The following CNTNAP2 variants were observed in gnomAD, a reference collection of about 807,000 sequenced individuals.
CNTNAP2 encodes contactin associated protein 2.
Under a neutral mutation model 155.2 loss-of-function variants are expected in CNTNAP2, and 98 were observed. The observed-to-expected ratio is 0.63, with a 90% CI of 0.54 to 0.75. The LOEUF (loss-of-function observed/expected upper bound fraction) is 0.75, where lower values mean the gene tolerates loss of function less well. CNTNAP2 is among the 30% of genes least tolerant of loss of function. The probability of loss-of-function intolerance (pLI) is 0.00; values close to 1 mark genes in which losing one functional copy is unlikely to be tolerated. For synonymous variants in CNTNAP2, 651 were observed against 631.2 expected (o/e 1.03, Z -0.47); for missense variants, 1,727 against 1,688.1 (o/e 1.02, Z -0.40).
In CNTNAP2 at chr7:146,859,121, A is replaced by T. The variant is rs1187320760; in HGVS notation, c.402+19217A>T. Among the ~76,000 whole-genome samples the T allele has an allele frequency of 2.0e-5, 3 of 152,224 alleles. No individual in the cohort carries two copies. The East Asian group carries it at 5.8e-4, about 29-fold the overall frequency. The stretch of plus-strand genomic sequence containing the variant: ...AAAATTTTGAGGCAATATAGGCAAT[A>T]ACATTAGAATTTCAGGGTTACTTCA... On this transcript the variant is annotated intron_variant, in intron 3 of 23. Coordinates refer to ENST00000361727, the MANE Select transcript of CNTNAP2 (RefSeq NM_014141.6).
chr7:146,828,797 T>G (rs1484219906), intron 2 of CNTNAP2, among the ~76,000 whole-genome samples: 1 of 152,084 alleles, frequency 6.6e-6, no homozygotes, highest in Non-Finnish European at 1.5e-5. Flanking sequence ...TGTCACTATT[T>G]TACATTAAAC....
intron 8 of CNTNAP2, among the ~76,000 whole-genome samples, chr7:147,207,134 A>G (rs1014318500): frequency 3.3e-5 from 5 of 152,222 alleles, no homozygotes; most frequent in Admixed American, 1.3e-4. Flanking sequence ...TTTAATGTGA[A>G]AAACTGTTGT....
rs746636648 is a variant in CNTNAP2 at position 147,044,047 on chromosome 7, T to C, written c.543T>C (p.Cys181=). ...GACTCAGAATTGAAGTTTATGGCTGTTCTTACTGTGAGTATCGTATTGTTT... is the reference window on the plus strand; with the variant it reads ...GACTCAGAATTGAAGTTTATGGCTGCTCTTACTGTGAGTATCGTATTGTTT... The part of the protein sequence containing the change: ...RIGLRIEVYG[C]SYWADVINFD... The change falls in exon 4 of 24, where the codon TGT becomes TGC. Residue 181 remains cysteine (C), a synonymous_variant. Transcript: ENST00000361727. 7 of 1,614,156 alleles carry C rather than the reference T, an allele frequency of 4.3e-6. No individual in the cohort carries two copies. In the East Asian group the frequency reaches 1.3e-4, roughly 31 times the overall value.
At chr7:146,181,387 T>C (rs13223500) in intron 1 of CNTNAP2, among the ~76,000 whole-genome samples, 46,576 of 152,036 alleles carry the variant, frequency 0.31, 8,370 homozygotes, top group African/African-American at 0.5. Context: ...GTTCTAGATG[T>C]GTTTAGGGTA....
At chr7:146,172,814 G>A (rs927818952) in intron 1 of CNTNAP2, among the ~76,000 whole-genome samples, 1 of 152,034 alleles carries the variant, frequency 6.6e-6, no homozygotes, top group Non-Finnish European at 1.5e-5. Flanking sequence ...ATTTTGTTTG[G>A]AATACAGACA....
intron 11 of CNTNAP2, among the ~76,000 whole-genome samples, chr7:147,510,936 T>C (rs1380317332): frequency 6.8e-6 from 1 of 147,258 alleles, no homozygotes; most frequent in East Asian, 2.0e-4. Context: ...CACCAGTCAA[T>C]CCAACAGTTC....
chr7:146,729,290 G>A (rs1184705042), intron 1 of CNTNAP2, among the ~76,000 whole-genome samples: 4 of 152,066 alleles, frequency 2.6e-5, no homozygotes, highest in African/African-American at 4.8e-5. Flanking sequence ...TTAAAATAGA[G>A]GCATGATCAC....
chr7:147,058,369 T>C (rs1383438194), intron 4 of CNTNAP2, among the ~76,000 whole-genome samples: 3 of 152,170 alleles, frequency 2.0e-5, no homozygotes, highest in South Asian at 2.1e-4. Flanking sequence ...CTATTATAGA[T>C]ATAGTATGTT....
chr7:146,644,872 A>C (rs1799783231), intron 1 of CNTNAP2, among the ~76,000 whole-genome samples: 1 of 152,080 alleles, frequency 6.6e-6, no homozygotes, highest in African/African-American at 2.4e-5. Context: ...CCAGGACCAG[A>C]TGGATTCACA....
At chr7:146,763,292 C>T (rs1271316035) in intron 1 of CNTNAP2, among the ~76,000 whole-genome samples, 1 of 152,100 alleles carries the variant, frequency 6.6e-6, no homozygotes, top group East Asian at 1.9e-4. Context: ...AACCCTATGG[C>T]TTGTTCTCTC....
chr7:147,223,929 G>T (rs1385487106), intron 8 of CNTNAP2, among the ~76,000 whole-genome samples: 3 of 112,050 alleles, frequency 2.7e-5, no homozygotes, highest in Non-Finnish European at 5.3e-5. Context: ...AATAGAGCAA[G>T]ACTCAATCTC....
rs115605584 is a variant in CNTNAP2 at position 148,132,646 on chromosome 7, A to G, written c.2554+14358A>G. On this transcript the variant is annotated intron_variant, in intron 16 of 23. Coordinates refer to ENST00000361727, the MANE Select transcript of CNTNAP2 (RefSeq NM_014141.6). ...GTAGAATAGAAATGTTGAAGAACAA[A>G]AAGAATTGTTTCTTGTATTTCTGAA... 3.9e-3 allele frequency among the ~76,000 whole-genome samples: 601 copies of G among 152,346 alleles called. 4 individuals are homozygous for G. Among genetic ancestry groups the G allele is most frequent in the African/African-American group, 0.014 (569 of 41,576 alleles).
intron 1 of CNTNAP2, among the ~76,000 whole-genome samples, chr7:146,463,123 A>C (rs1796663504): frequency 6.6e-6 from 1 of 152,156 alleles, no homozygotes; most frequent in South Asian, 2.1e-4. Context: ...GAGGAAAATA[A>C]AACTGGAAAT....
chr7:147,577,093 G>A (rs1300192154), intron 12 of CNTNAP2, among the ~76,000 whole-genome samples: 2 of 152,046 alleles, frequency 1.3e-5, no homozygotes, highest in African/African-American at 4.8e-5. Context: ...TGGAAAACAC[G>A]TGCAAGAGAT....
chr7:146,130,550 G>T (rs902705465), intron 1 of CNTNAP2, among the ~76,000 whole-genome samples: 2 of 152,104 alleles, frequency 1.3e-5, no homozygotes, highest in Non-Finnish European at 2.9e-5. Context: ...AGAGAATTTT[G>T]CTAATAAAAA....
At chr7:146,421,988 G>A (rs567587397) in intron 1 of CNTNAP2, among the ~76,000 whole-genome samples, 2 of 151,776 alleles carry the variant, frequency 1.3e-5, no homozygotes, top group South Asian at 2.1e-4. Flanking sequence ...GCACACAGAA[G>A]TCTACTGCAT....
intron 13 of CNTNAP2, among the ~76,000 whole-genome samples, chr7:147,678,903 A>G (rs1190506518): frequency 6.6e-6 from 1 of 151,942 alleles, no homozygotes; most frequent in East Asian, 1.9e-4. Flanking sequence ...GGAAGAAACT[A>G]AAAGAAATTT....
At chr7:147,893,499 C>A (rs1799726434) in intron 13 of CNTNAP2, among the ~76,000 whole-genome samples, 1 of 152,178 alleles carries the variant, frequency 6.6e-6, no homozygotes, top group Admixed American at 6.5e-5. Context: ...GTCCAGTGAA[C>A]TCCACCTACC....
intron 13 of CNTNAP2, among the ~76,000 whole-genome samples, chr7:147,748,968 G>A (rs1797091111): frequency 6.6e-6 from 1 of 152,172 alleles, no homozygotes; most frequent in African/African-American, 2.4e-5. Flanking sequence ...TTATAGGACT[G>A]ACAATGAGTG....
Sources: allele counts gnomAD v4.1 joint callset (sites outside exome capture counted in the v4.1 genomes callset), GRCh38; gene constraint gnomAD v4.1.1; transcripts MANE v1.5; gene names NCBI Gene and HGNC (gene_info 2026-07-23, HGNC 2026-07-21).